Variants in SLC25A21 observed in about 807,000 individuals in gnomAD.
SLC25A21 encodes solute carrier family 25 member 21, also known as mitochondrial 2-oxodicarboxylate carrier.
SLC25A21 carries 47 observed loss-of-function variants against 43.8 expected under a neutral mutation model. That is an observed-to-expected ratio of 1.07 (90% CI 0.85 to 1.37). SLC25A21 has a LOEUF of 1.37. Ranked by LOEUF, SLC25A21 falls within the 40% of genes most tolerant of loss-of-function variation. The pLI, the probability that SLC25A21 is intolerant of heterozygous loss-of-function variation, is 0.00. For missense variants in SLC25A21, 352 were observed against 350.2 expected (o/e 1.00, Z -0.04); for synonymous variants, 131 against 121.3 (o/e 1.08, Z -0.52).
chr14:37,103,382 G>C (rs147261401), intron 1 of SLC25A21, among the ~76,000 whole-genome samples: 1 of 152,116 alleles, frequency 6.6e-6, no homozygotes, highest in Admixed American at 6.6e-5. Context: ...CGTCTATCAC[G>C]GGTTTAAGCA....
intron 7 of SLC25A21, among the ~76,000 whole-genome samples, chr14:36,689,839 T>C (rs1882718930): frequency 6.6e-6 from 1 of 152,228 alleles, no homozygotes; most frequent in Non-Finnish European, 1.5e-5. Flanking sequence ...TGAGAACCAC[T>C]GCTTAATTAA....
intron 7 of SLC25A21, among the ~76,000 whole-genome samples, chr14:36,688,610 C>T (rs1188518480): frequency 1.3e-5 from 2 of 152,228 alleles, no homozygotes; most frequent in African/African-American, 4.8e-5. Context: ...CCTCCAGCAG[C>T]CCAGAACCCT....
intron 2 of SLC25A21, among the ~76,000 whole-genome samples, chr14:36,858,529 C>G (rs746342713): frequency 2.6e-5 from 4 of 152,022 alleles, no homozygotes; most frequent in Non-Finnish European, 5.9e-5. Flanking sequence ...CGTCTATGAC[C>G]CATTTTCTTT....
intron 1 of SLC25A21, among the ~76,000 whole-genome samples, chr14:36,981,970 T>C (rs982210756): frequency 2.6e-5 from 4 of 152,234 alleles, no homozygotes; most frequent in African/African-American, 4.8e-5. Context: ...AATGATTGTT[T>C]TGGTGTCATG....
chr14:36,845,972 T>C (rs1247354929), intron 2 of SLC25A21, among the ~76,000 whole-genome samples: 1 of 152,180 alleles, frequency 6.6e-6, no homozygotes, highest in Non-Finnish European at 1.5e-5. Context: ...GAAATAAAAG[T>C]TTATAGTTCA....
intron 1 of SLC25A21, among the ~76,000 whole-genome samples, chr14:36,965,702 A>T (rs1050018359): frequency 2.0e-5 from 3 of 152,156 alleles, no homozygotes; most frequent in Admixed American, 6.5e-5. Context: ...TTTTCTTTCC[A>T]GGTTTATTCT....
At chr14:36,922,207 A>C (rs1892000460) in intron 1 of SLC25A21, among the ~76,000 whole-genome samples, 1 of 152,106 alleles carries the variant, frequency 6.6e-6, no homozygotes, top group African/African-American at 2.4e-5. Flanking sequence ...CACTATAAAC[A>C]AACAACTGAA....
chr14:36,990,846 GCTCCAGCCTGAA>G (rs142180550), intron 1 of SLC25A21, among the ~76,000 whole-genome samples: 2,966 of 151,684 alleles, frequency 0.02, 96 homozygotes, highest in African/African-American at 0.067. Context: ...GCACCACTGC[GCTCCAGCCTGAA>G]CTCCAGCCTG....
chr14:36,806,905 G>A (rs1032816127), intron 3 of SLC25A21: 4 of 152,182 alleles, frequency 2.6e-5, no homozygotes, highest in African/African-American at 9.7e-5. Flanking sequence ...AGCAAGAGCG[G>A]CTGGGACTCT....
chr14:37,135,556 G>A (rs10134406), intron 1 of SLC25A21, among the ~76,000 whole-genome samples: 143,408 of 152,310 alleles, frequency 0.94, 67,646 homozygotes, highest in East Asian at 1. Context: ...TGTCTTCTCT[G>A]CAATTCTTGC....
chr14:36,759,274 C>T (rs558361542), intron 3 of SLC25A21, among the ~76,000 whole-genome samples: 5 of 152,266 alleles, frequency 3.3e-5, no homozygotes, highest in African/African-American at 9.6e-5. Flanking sequence ...CTGCTCTCAG[C>T]GTCTTTTGTG....
chr14:37,099,412 A>T (rs1439680116), intron 1 of SLC25A21, among the ~76,000 whole-genome samples: 1 of 152,182 alleles, frequency 6.6e-6, no homozygotes, highest in Non-Finnish European at 1.5e-5. Flanking sequence ...TACTTAACAC[A>T]TCAAAATATT....
intron 1 of SLC25A21, among the ~76,000 whole-genome samples, chr14:37,128,724 C>G (rs1377976831): frequency 6.6e-6 from 1 of 152,032 alleles, no homozygotes; most frequent in Non-Finnish European, 1.5e-5. Flanking sequence ...GTAGCTGGGA[C>G]TACAAGCACG....
intron 1 of SLC25A21, among the ~76,000 whole-genome samples, chr14:37,040,202 A>C (rs1165763825): frequency 1.2e-5 from 1 of 80,600 alleles, no homozygotes; most frequent in Admixed American, 1.5e-4. Context: ...TCCAAGAAGA[A>C]AGAAAAAAAG....
At chr14:36,852,665 G>A (rs1889777853) in intron 2 of SLC25A21, among the ~76,000 whole-genome samples, 1 of 152,162 alleles carries the variant, frequency 6.6e-6, no homozygotes, top group South Asian at 2.1e-4. Flanking sequence ...GTATGTGTGA[G>A]TGTGTGTTTA....
intron 3 of SLC25A21, among the ~76,000 whole-genome samples, chr14:36,775,342 C>T (rs1052051147): frequency 3.9e-5 from 6 of 152,198 alleles, no homozygotes; most frequent in African/African-American, 1.4e-4. Flanking sequence ...ACAATAAGAA[C>T]TGTCTAAAGT....
At chr14:37,010,655 T>TTC (rs1960710683) in intron 1 of SLC25A21, among the ~76,000 whole-genome samples, 1 of 151,672 alleles carries the variant, frequency 6.6e-6, no homozygotes, top group African/African-American at 2.4e-5. Flanking sequence ...AGACAGAACC[T>TTC]AAAGAATGAC....
chr14:36,840,946 T>C (rs1889365946), intron 2 of SLC25A21, among the ~76,000 whole-genome samples: 1 of 152,184 alleles, frequency 6.6e-6, no homozygotes, highest in South Asian at 2.1e-4. Flanking sequence ...CCACTCTGAG[T>C]CTAAGCTGAA....
chr14:37,107,528 T>A (rs1283142050), intron 1 of SLC25A21, among the ~76,000 whole-genome samples: 3 of 152,080 alleles, frequency 2.0e-5, no homozygotes, highest in Non-Finnish European at 4.4e-5. Context: ...TTCCTATTTT[T>A]AAAAAGCATT....
Sources: gnomAD v4.1 joint callset for allele counts (sites outside exome capture counted in the v4.1 genomes callset) on GRCh38, gnomAD v4.1.1 for gene constraint, MANE v1.5 for transcripts, NCBI Gene and HGNC (gene_info 2026-07-23, HGNC 2026-07-21) for gene names.